Variants in SGSM1 observed in about 807,000 individuals in gnomAD.
SGSM1 encodes small G protein signaling modulator 1, also known as RUN and TBC1 domain containing 2.
A neutral mutation model predicts 133.8 loss-of-function variants in SGSM1; 73 were observed. The ratio of observed to expected loss-of-function variants is 0.55; its 90% confidence interval spans 0.45 to 0.66. The LOEUF is 0.66. SGSM1 is among the 30% of genes least tolerant of loss of function. The pLI, the probability that SGSM1 is intolerant of heterozygous loss-of-function variation, is 0.00. For missense variants in SGSM1, 1,213 were observed against 1,448.1 expected, an observed-to-expected ratio of 0.84 and a Z score of 2.64; for synonymous variants, 563 against 573.0, an observed-to-expected ratio of 0.98 and a Z score of 0.25.
At chr22:24,806,840 AG>A (rs1250765981) in intron 2 of SGSM1, among the ~76,000 whole-genome samples, 1 of 151,720 alleles carries the variant, frequency 6.6e-6, no homozygotes. Flanking sequence ...AGAAGCTGCT[AG>A]GGGGACGCCC....
intron 2 of SGSM1, among the ~76,000 whole-genome samples, chr22:24,825,354 CCA>C (rs1427731656): frequency 6.6e-6 from 1 of 152,160 alleles, no homozygotes; most frequent in African/African-American, 2.4e-5. Context: ...TCCCATTGCT[CCA>C]GTGGTTGTTG....
At chr22:24,863,808 C>G (rs1355074482) in intron 9 of SGSM1, among the ~76,000 whole-genome samples, 1 of 148,882 alleles carries the variant, frequency 6.7e-6, no homozygotes, top group Non-Finnish European at 1.5e-5. Flanking sequence ...ATGGCATGAT[C>G]TCGGCTCACT....
In SGSM1 at chr22:24,893,534, T is replaced by C; in HGVS notation, c.1874T>C (p.Leu625Pro). ...QRERESHAAALAKCSSGASLD... is the reference protein window; with the variant it reads ...QRERESHAAAPAKCSSGASLD... ...GAGCGGGAGTCCCATGCGGCCGCCCTGGCCAAATGCTCATCCGGGGCCAGC... is the reference window on the plus strand; with the variant it reads ...GAGCGGGAGTCCCATGCGGCCGCCCCGGCCAAATGCTCATCCGGGGCCAGC... The change falls in exon 17 of 25, where the codon CTG (leucine) becomes CCG (proline). Residue 625 changes from leucine to proline, a missense_variant. Physicochemically the swap from Leu to Pro is moderately conservative, Grantham distance 98 (BLOSUM62 -3). Transcript: ENST00000400358. 1.2e-6 allele frequency: 2 copies of C among 1,610,216 alleles called. No homozygotes were observed. The highest frequency in any genetic ancestry group is 1.7e-6 in the Non-Finnish European group (2 of 1,178,344).
At chr22:24,907,612 A>T (rs889746294) in intron 21 of SGSM1, among the ~76,000 whole-genome samples, 13 of 152,026 alleles carry the variant, frequency 8.6e-5, no homozygotes, top group Non-Finnish European at 1.9e-4. Context: ...GGGATTTAGA[A>T]TAGCCAAAAC....
chr22:24,860,922 AATATATAT>A lies in SGSM1; in HGVS notation c.926+1102_926+1109del, dbSNP rs1555926665. Reference sequence around the variant, plus strand: ...TAAAAAAAAAAAAAAAAAAAAAAAAAATATATATATATATATATATATATATAATTTTG... The same window carrying A: ...TAAAAAAAAAAAAAAAAAAAAAAAAAATATATATATATATATATAATTTTG... On this transcript the variant is annotated intron_variant, in intron 9 of 24. Coordinates refer to ENST00000400358, the MANE Select transcript of SGSM1 (RefSeq NM_001098497.3). 6.3e-3 allele frequency among the ~76,000 whole-genome samples: 238 copies of A among 37,590 alleles called. 4 individuals are homozygous for A. Among genetic ancestry groups the A allele is most frequent in the East Asian group, 0.024 (31 of 1,266 alleles). The allele number at this position is 37,590 out of a possible 152,430, so 24.7% of individuals were successfully genotyped here.
At chr22:24,860,918 A>AT (rs1300849770) in intron 9 of SGSM1, among the ~76,000 whole-genome samples, 175 of 75,858 alleles carry the variant, frequency 2.3e-3, no homozygotes, top group Middle Eastern at 6.4e-3. Context: ...AAAAAAAAAA[A>AT]AAAAATATAT....
rs1223990730 is a variant in SGSM1, at chr22:24,806,393, C to T, written c.20-48C>T. 2.6e-6 allele frequency: 4 copies of T among 1,513,018 alleles called. No homozygotes were observed. In the African/African-American group the frequency reaches 4.3e-5, roughly 16 times the overall value. 93.7% of individuals were successfully genotyped at this position (1,513,018 alleles called of 1,614,324 possible). ...GCGGCGGGAGGGCAGCGCCCGGCCC[C>T]CGCACCCTCTCTCGGCTGACCCGCG... On this transcript the variant is annotated intron_variant, in intron 1 of 24. Coordinates refer to ENST00000400358, the MANE Select transcript of SGSM1 (RefSeq NM_001098497.3).
intron 14 of SGSM1, among the ~76,000 whole-genome samples, chr22:24,883,474 A>G (rs1473573222): frequency 4.6e-5 from 7 of 152,198 alleles, no homozygotes; most frequent in Admixed American, 4.6e-4. Flanking sequence ...CCTCTAGCCT[A>G]TGAATTAAAT....
At chr22:24,828,223 A>G (rs1325985939) in intron 2 of SGSM1, among the ~76,000 whole-genome samples, 4 of 152,110 alleles carry the variant, frequency 2.6e-5, no homozygotes, top group Admixed American at 1.3e-4. Context: ...GGCAGGCCAT[A>G]CAGAGAGGCC....
At position 24,901,847 on chromosome 22, in the gene SGSM1, T is replaced by C. The variant is rs375121972; in HGVS notation, c.2625T>C (p.Asp875=). 22 of 1,612,886 alleles carry C rather than the reference T, an allele frequency of 1.4e-5. No individual in the cohort carries two copies. The African/African-American group carries it at 2.8e-4, about 21-fold the overall frequency. The part of the protein sequence containing the change: ...SGVTYSPELL[D]LYTVNLHRIE... The stretch of plus-strand genomic sequence containing the variant: ...ATGGCCTATAGCCAGAGCTGCTGGA[T>C]CTGTACACGGTGAACCTGCACCGCA... Residue 875 remains aspartate, a synonymous_variant, in exon 20 of 25, where the codon GAT becomes GAC. Transcript: ENST00000400358.
intron 3 of SGSM1, among the ~76,000 whole-genome samples, chr22:24,845,286 T>C (rs1028242871): frequency 1.5e-4 from 23 of 152,100 alleles, no homozygotes; most frequent in African/African-American, 5.3e-4. Flanking sequence ...ACTCTGCCTG[T>C]GGCTATTGCT....
intron 21 of SGSM1, among the ~76,000 whole-genome samples, chr22:24,907,260 C>CAAATAAATAAAT (rs199825662): frequency 4.2e-5 from 6 of 142,578 alleles, no homozygotes; most frequent in Admixed American, 2.1e-4. Context: ...AACTCCATCT[C>CAAATAAATAAAT]AAATAAATAA....
At chr22:24,834,950 G>T (rs990581732) in intron 2 of SGSM1, among the ~76,000 whole-genome samples, 1 of 151,988 alleles carries the variant, frequency 6.6e-6, no homozygotes, top group Non-Finnish European at 1.5e-5. Flanking sequence ...GCGTGATGTT[G>T]TGAGGCAAGG....
At position 24,897,760 on chromosome 22, in the gene SGSM1, T is replaced by C. The variant is rs141136673; in HGVS notation, c.2023-212T>C. 8.4e-3 allele frequency among the ~76,000 whole-genome samples: 1,276 copies of C among 152,346 alleles called. 15 individuals carry two copies. Among genetic ancestry groups the C allele is most frequent in the Middle Eastern group, 0.024 (7 of 294 alleles). On this transcript the variant is annotated intron_variant, in intron 18 of 24. Coordinates refer to ENST00000400358, the MANE Select transcript of SGSM1 (RefSeq NM_001098497.3). ...CTGGGATTGCAGGCGTGAGCCACCA[T>C]GCCCAGCCTAGATCACTTTCTTATT... is the stretch of plus-strand genomic sequence containing the variant.
chr22:24,890,120 C>A lies in SGSM1; in HGVS notation c.1771-3311C>A, dbSNP rs866500172. On this transcript the variant is annotated intron_variant, in intron 16 of 24. Transcript: ENST00000400358. ...TGCAGGCGCCTGCCACCACGCCTGG[C>A]TAATTTTTTGTATTTTTAGCAGAGA... 2.0e-5 allele frequency among the ~76,000 whole-genome samples: 3 copies of A among 151,954 alleles called. No homozygotes were observed. The South Asian group carries it at 6.2e-4, about 32-fold the overall frequency.
chr22:24,870,461 G>C (rs1002108365), intron 12 of SGSM1, among the ~76,000 whole-genome samples: 4 of 152,224 alleles, frequency 2.6e-5, no homozygotes, highest in African/African-American at 9.6e-5. Context: ...AACAGGCAAT[G>C]TGTACACTCC....
chr22:24,890,921 C>T lies in SGSM1; in HGVS notation c.1771-2510C>T, dbSNP rs538172431. 2.4e-4 allele frequency among the ~76,000 whole-genome samples: 36 copies of T among 152,296 alleles called. 1 individual carries two copies. Among genetic ancestry groups the T allele is most frequent in the African/African-American group, 8.4e-4 (35 of 41,574 alleles). ...TTATTTAACATTTGATTTAAATTGA[C>T]TCGCTTAAGATTTATACAACTTATT... is the stretch of plus-strand genomic sequence containing the variant. On this transcript the variant is annotated intron_variant, in intron 16 of 24. Transcript: ENST00000400358.
rs367763636 is a variant in SGSM1 at position 24,824,521 on chromosome 22, C to T, written c.63+18037C>T. 2.4e-4 allele frequency among the ~76,000 whole-genome samples: 36 copies of T among 152,236 alleles called. 1 individual carries two copies. In the South Asian group the frequency reaches 2.5e-3, roughly 11 times the overall value. On this transcript the variant is annotated intron_variant, in intron 2 of 24. Coordinates refer to ENST00000400358, the MANE Select transcript of SGSM1 (RefSeq NM_001098497.3). The stretch of plus-strand genomic sequence containing the variant: ...CCAGCCCCATTCCAACCCCTCCCAA[C>T]TGTCACCTCCTGTGTGCCTCACCCT...
intron 17 of SGSM1, among the ~76,000 whole-genome samples, chr22:24,894,770 G>A (rs1479962526): frequency 6.6e-6 from 1 of 152,124 alleles, no homozygotes; most frequent in Non-Finnish European, 1.5e-5. Flanking sequence ...GCTGAGTCAA[G>A]TTTGTTAACA....
Sources: allele counts gnomAD v4.1 joint callset (sites outside exome capture counted in the v4.1 genomes callset), GRCh38; gene constraint gnomAD v4.1.1; transcripts MANE v1.5; gene names NCBI Gene and HGNC (gene_info 2026-07-23, HGNC 2026-07-21).